The following PRSS53 variants were observed in gnomAD, a reference collection of about 807,000 sequenced individuals.
The protein encoded by PRSS53 is EDTP308.
Under a neutral mutation model 62.7 loss-of-function variants are expected in PRSS53, and 54 were observed. That is an observed-to-expected ratio of 0.86 (90% CI 0.69 to 1.08). The LOEUF (loss-of-function observed/expected upper bound fraction) is 1.08. Among genes scored for constraint, PRSS53 ranks in the 50% least tolerant of loss-of-function variants. The pLI is 0.00. For missense variants in PRSS53, 688 were observed against 728.3 expected, an observed-to-expected ratio of 0.94 and a Z score of 0.64; for synonymous variants, 273 against 300.0, an observed-to-expected ratio of 0.91 and a Z score of 0.93.
At chr16:31,087,658 C>T (rs998354679) in exon 3 of PRSS53, 3 of 1,611,606 alleles carry the variant, frequency 1.9e-6, no homozygotes, top group Non-Finnish European at 2.5e-6. Context: ...ACTGTGTTGC[C>T]CTCCTGAGGC....
chr16:31,086,437 T>C, exon 5 of PRSS53: 2 of 1,613,968 alleles, frequency 1.2e-6, no homozygotes, highest in Middle Eastern at 1.7e-4. Flanking sequence ...GTAGATACAG[T>C]TACATGTGGG....
intron 6 of PRSS53, 78 bp downstream of exon 6, chr16:31,085,886 C>A (rs1361331729): frequency 1.5e-6 from 2 of 1,332,156 alleles, no homozygotes; most frequent in Non-Finnish European, 2.1e-6. Flanking sequence ...GGTGTGGATG[C>A]CTATGCCAGT....
At chr16:31,083,662 C>G (rs2143858901) in exon 11 of PRSS53, 6 of 1,557,528 alleles carry the variant, frequency 3.9e-6, no homozygotes. Context: ...AGGTTCCTTC[C>G]CACAGCTGCT....
In PRSS53 at chr16:31,086,086, G is replaced by C. The variant is rs768174638; in HGVS notation, c.761C>G (p.Ala254Gly). 3 of 1,613,690 alleles carry C rather than the reference G, an allele frequency of 1.9e-6. No individual in the cohort carries two copies. In the Admixed American group the frequency reaches 5.0e-5, roughly 27 times the overall value. ...AGCTGTGTTGGTCAGCAGCACAGGAGCGTCCTCCTGGGCACAGCTTGATGC... is the reference window on the plus strand; with the variant it reads ...AGCTGTGTTGGTCAGCAGCACAGGACCGTCCTCCTGGGCACAGCTTGATGC... Residue 254 changes from alanine (A) to glycine (G), a missense_variant, in exon 6 of 11, where the codon GCT becomes GGT. Coordinates refer to ENST00000280606, the Ensembl canonical transcript of PRSS53.
chr16:31,086,606 C>G, intron 4 of PRSS53, 27 bp downstream of exon 4: 6 of 1,541,830 alleles, frequency 3.9e-6, no homozygotes, highest in Non-Finnish European at 5.3e-6. Context: ...AGTGCCTCTC[C>G]GAGCTTCAGT....
In PRSS53 at chr16:31,085,951, G is replaced by GC. The variant is rs755921337; in HGVS notation, c.883+12dup. 1 of 1,600,380 alleles carries GC rather than the reference G, an allele frequency of 6.2e-7. No homozygotes were observed. Among genetic ancestry groups the GC allele is most frequent in the Admixed American group, 1.7e-5 (1 of 59,840 alleles). ...AGTGGCTTCTGCCCACTCCCAGCAT[G>GC]CCCCACTCGTACCTACACAGCTGTC... is the stretch of plus-strand genomic sequence containing the variant. On this transcript the variant is annotated intron_variant, in intron 6 of 10. Transcript: ENST00000280606.
At chr16:31,087,148 C>T (rs917157152) in intron 3 of PRSS53, 4 of 540,476 alleles carry the variant, frequency 7.4e-6, no homozygotes, top group East Asian at 6.3e-5. Flanking sequence ...CAGGCGTGCA[C>T]CACCATGCCT....
intron 1 of PRSS53, 34 bp from the exon 2 acceptor site, chr16:31,087,860 A>G (rs2057251222): frequency 5.0e-6 from 8 of 1,612,772 alleles, no homozygotes; most frequent in Non-Finnish European, 6.8e-6. Flanking sequence ...AGATGCAGGG[A>G]CTCCAGGCCT....
At chr16:31,086,587 G>C (rs547726932) in intron 4 of PRSS53, 46 bp downstream of exon 4, 1 of 1,548,188 alleles carries the variant, frequency 6.5e-7, no homozygotes. Flanking sequence ...TGTGACGCTG[G>C]GCAAGCAGAG....
chr16:31,084,235 G>A (rs1228843319), exon 10 of PRSS53: 9 of 1,611,382 alleles, frequency 5.6e-6, no homozygotes, highest in South Asian at 4.4e-5. Flanking sequence ...GGTGAAGACC[G>A]CCGGCCTGGC....
chr16:31,084,628 C>G (rs758321905), exon 9 of PRSS53: 1 of 1,607,730 alleles, frequency 6.2e-7, no homozygotes, highest in East Asian at 2.2e-5. Flanking sequence ...GCCATCACCC[C>G]CAGGAGCTGC....
At chr16:31,084,938 T>C (rs772012439) in exon 8 of PRSS53, 1 of 1,546,920 alleles carries the variant, frequency 6.5e-7, no homozygotes, top group South Asian at 1.2e-5. Context: ...AGGGTGGGTG[T>C]AGGCTCCATG....
chr16:31,087,695 A>T lies in PRSS53; in HGVS notation c.84T>A (p.Cys28Ter). ...TGGGGGGGCCGGGGCCACGCTGTCC[A>T]CAGGCTGTGGAAAGGAGTTAGTCAC... Residue 28 changes from cysteine (C) to a stop codon, truncating the protein, a stop_gained, in exon 3 of 11, where the codon TGT (cysteine) becomes TGA (stop). Transcript: ENST00000280606. LOFTEE classifies it high-confidence loss of function. The T allele has an allele frequency of 2.5e-6, 4 of 1,613,396 alleles. No individual in the cohort carries two copies. Among genetic ancestry groups the T allele is most frequent in the Non-Finnish European group, 3.4e-6 (4 of 1,179,748 alleles).
At chr16:31,083,808 G>A (rs772278899) in exon 11 of PRSS53, 2 of 1,614,044 alleles carry the variant, frequency 1.2e-6, no homozygotes, top group Non-Finnish European at 1.7e-6. Flanking sequence ...TGGTTGGTTG[G>A]CCTGTGGGGA....
chr16:31,088,720 C>A, intron 1 of PRSS53, 32 bp downstream of exon 1: 2 of 1,612,430 alleles, frequency 1.2e-6, no homozygotes, highest in Admixed American at 1.7e-5. Flanking sequence ...CCCCACCAGG[C>A]CACACCCATA....
chr16:31,087,774 TA>T, intron 2 of PRSS53, 31 bp downstream of exon 2: 1 of 1,614,064 alleles, frequency 6.2e-7, no homozygotes, highest in Non-Finnish European at 8.5e-7. Flanking sequence ...CAGACCCAAG[TA>T]AGACCTAGGC....
At chr16:31,086,775 G>A (rs1343808335) in exon 4 of PRSS53, 4 of 1,613,238 alleles carry the variant, frequency 2.5e-6, no homozygotes, top group Non-Finnish European at 3.4e-6. Context: ...CCTGGCTGTA[G>A]TGGTTATAGG....
chr16:31,083,631 TG>T, exon 11 of PRSS53: 1 of 1,511,370 alleles, frequency 6.6e-7, no homozygotes, highest in Non-Finnish European at 8.9e-7. Flanking sequence ...GGGTGGGGAG[TG>T]GGCACCTGTG....
intron 10 of PRSS53, 50 bp from the exon 11 acceptor site, chr16:31,083,859 T>TGCCCCCCC: frequency 6.3e-7 from 1 of 1,590,054 alleles, no homozygotes; most frequent in South Asian, 1.1e-5. Context: ...ACGGCTTTGG[T>TGCCCCCCC]CCCTCCCTCC....
Sources: allele counts gnomAD v4.1 joint callset, GRCh38; gene constraint gnomAD v4.1.1; transcripts MANE v1.5; gene names NCBI Gene and HGNC (gene_info 2026-07-23, HGNC 2026-07-21).